RAB8B: variants seen among roughly 807,000 people sequenced by gnomAD.
RAB8B encodes the protein ras-related protein Rab-8B.
In RAB8B, 11 loss-of-function variants were observed where a neutral mutation model predicts 32.0. That is an observed-to-expected ratio of 0.34 (90% confidence interval 0.22 to 0.57). RAB8B has a LOEUF of 0.57. Ranked by LOEUF, RAB8B falls within the 20% of genes least tolerant of loss-of-function variation. The probability of loss-of-function intolerance (pLI) is 0.86; values close to 1 mark genes in which losing one functional copy is unlikely to be tolerated. For missense variants in RAB8B, 190 were observed against 258.5 expected (o/e 0.73, Z 1.82); for synonymous variants, 103 against 89.6 (o/e 1.15, Z -0.85).
intron 1 of RAB8B, among the ~76,000 whole-genome samples, chr15:63,215,670 T>G (rs2037785867): frequency 6.6e-6 from 1 of 152,224 alleles, no homozygotes; most frequent in Non-Finnish European, 1.5e-5. Context: ...CCTTTACTTT[T>G]TACTGAAAGT....
chr15:63,197,240 T>C (rs973335687), intron 1 of RAB8B, among the ~76,000 whole-genome samples: 25 of 151,656 alleles, frequency 1.6e-4, no homozygotes, highest in African/African-American at 5.8e-4. Flanking sequence ...CTGATGTTTA[T>C]GGTTATGTTT....
chr15:63,261,502 G>C (rs2038203176), intron 6 of RAB8B, among the ~76,000 whole-genome samples: 1 of 152,154 alleles, frequency 6.6e-6, no homozygotes, highest in South Asian at 2.1e-4. Context: ...ATACACAATG[G>C]AATACTATTC....
At chr15:63,217,007 A>G (rs1303774481) in intron 1 of RAB8B, among the ~76,000 whole-genome samples, 8 of 152,070 alleles carry the variant, frequency 5.3e-5, no homozygotes, top group Admixed American at 5.2e-4. Flanking sequence ...ACATGGGTTG[A>G]TTACATCTAT....
intron 3 of RAB8B, among the ~76,000 whole-genome samples, chr15:63,253,027 C>T (rs918270732): frequency 6.6e-6 from 1 of 152,150 alleles, no homozygotes; most frequent in Non-Finnish European, 1.5e-5. Context: ...GGATTACAGG[C>T]GTGAGCCACC....
At chr15:63,203,236 T>C (rs2037667948) in intron 1 of RAB8B, among the ~76,000 whole-genome samples, 1 of 152,216 alleles carries the variant, frequency 6.6e-6, no homozygotes, top group Non-Finnish European at 1.5e-5. Flanking sequence ...TCCTAAGTTA[T>C]AACCAATGGA....
In RAB8B at chr15:63,265,966, T is replaced by C. The variant is rs148757242; in HGVS notation, c.*2347T>C. 16 of 152,744 alleles carry C rather than the reference T, an allele frequency of 1.0e-4. No individual in the cohort carries two copies. Among genetic ancestry groups the C allele is most frequent in the African/African-American group, 3.8e-4 (16 of 41,590 alleles). The allele number at this position is 152,744 out of a possible 1,614,324, so 9.5% of individuals were successfully genotyped here. On this transcript the variant is annotated 3_prime_UTR_variant, in exon 8 of 8. Coordinates refer to ENST00000321437, the MANE Select transcript of RAB8B (RefSeq NM_016530.3). The surrounding 1 kb of genome is among the most constrained non-coding windows in gnomAD (Gnocchi z 4.9). ...TTTTCTTACATTTAGCTTTGCTAGATTGTATATACATTGAGCTAAGACCTT... is the reference window on the plus strand; with the variant it reads ...TTTTCTTACATTTAGCTTTGCTAGACTGTATATACATTGAGCTAAGACCTT...
intron 1 of RAB8B, among the ~76,000 whole-genome samples, chr15:63,202,260 A>G (rs1267652441): frequency 6.7e-6 from 1 of 149,744 alleles, no homozygotes; most frequent in Non-Finnish European, 1.5e-5. Context: ...CCAGGGCGAC[A>G]GAGCGAGACT....
intron 1 of RAB8B, among the ~76,000 whole-genome samples, chr15:63,240,389 G>A (rs1033740513): frequency 1.3e-5 from 2 of 152,052 alleles, no homozygotes; most frequent in African/African-American, 4.8e-5. Flanking sequence ...CACACACATC[G>A]TCTAATTTAT....
intron 5 of RAB8B, among the ~76,000 whole-genome samples, chr15:63,257,065 A>G (rs1487246474): frequency 1.3e-5 from 2 of 152,188 alleles, no homozygotes; most frequent in East Asian, 3.9e-4. Context: ...TAACTGATCA[A>G]GCTATGGATG....
intron 1 of RAB8B, 99 bp from the exon 2 acceptor site, chr15:63,244,657 C>A: frequency 1.1e-6 from 1 of 877,912 alleles, no homozygotes; most frequent in Non-Finnish European, 1.8e-6. Flanking sequence ...TTTTCCAGTG[C>A]GTTGGAGAGC....
chr15:63,200,661 A>AT (rs1034575463), intron 1 of RAB8B, among the ~76,000 whole-genome samples: 20 of 152,214 alleles, frequency 1.3e-4, no homozygotes, highest in African/African-American at 4.3e-4. Context: ...AAAAAAAAAA[A>AT]ACCTCATGGT....
intron 1 of RAB8B, among the ~76,000 whole-genome samples, chr15:63,211,906 A>G (rs962247984): frequency 6.6e-6 from 1 of 152,136 alleles, no homozygotes; most frequent in Non-Finnish European, 1.5e-5. Flanking sequence ...ATCATGGCTC[A>G]CTGCAGCCTC....
At chr15:63,207,046 T>C (rs915812819) in intron 1 of RAB8B, among the ~76,000 whole-genome samples, 8 of 152,172 alleles carry the variant, frequency 5.3e-5, no homozygotes, top group African/African-American at 1.9e-4. Flanking sequence ...TTCTAACCGC[T>C]CCTCCCCTTT....
chr15:63,209,216 G>A (rs538780897), intron 1 of RAB8B, among the ~76,000 whole-genome samples: 20 of 151,906 alleles, frequency 1.3e-4, no homozygotes, highest in Non-Finnish European at 2.8e-4. Flanking sequence ...TGTTCTTTGC[G>A]TTGCCGAATA....
chr15:63,234,817 G>A (rs145265364), intron 1 of RAB8B, among the ~76,000 whole-genome samples: 90 of 152,316 alleles, frequency 5.9e-4, no homozygotes, highest in African/African-American at 2.1e-3. Flanking sequence ...GTGGCTGTCC[G>A]CCTTCTCCCA....
rs562262711 is a variant in RAB8B at position 63,263,726 on chromosome 15, G to A, written c.*107G>A. 43 of 871,674 alleles carry A rather than the reference G, an allele frequency of 4.9e-5. No homozygotes were observed. The South Asian group carries it at 5.8e-4, about 12-fold the overall frequency. 54.0% of individuals were successfully genotyped at this position (871,674 alleles called of 1,614,324 possible). On this transcript the variant is annotated 3_prime_UTR_variant, in exon 8 of 8. Coordinates refer to ENST00000321437, the MANE Select transcript of RAB8B (RefSeq NM_016530.3). ...TCACACCTCCCGGCTGCTGCTGAGA[G>A]CACCACTGAACTTAGACCTCTCAAC... is the stretch of plus-strand genomic sequence containing the variant.
chr15:63,259,945 C>T lies in RAB8B; in HGVS notation c.480+253C>T, dbSNP rs977842251. On this transcript the variant is annotated intron_variant, in intron 6 of 7. Transcript: ENST00000321437. This position sits in a 1 kb window ranked among gnomAD's most constrained non-coding sequence, Gnocchi z 4.4. ...TGCCTCCCAGGTTCAAGCGATTCTC[C>T]TGCCTCAGCCTCCCGAGTAGCTGGT... Among the ~76,000 whole-genome samples, 11 of 152,146 alleles carry T rather than the reference C, an allele frequency of 7.2e-5. No homozygotes were observed. The highest frequency in any genetic ancestry group is 2.4e-4 in the African/African-American group (10 of 41,420).
chr15:63,196,440 C>G (rs2141106268), intron 1 of RAB8B, among the ~76,000 whole-genome samples: 1 of 152,322 alleles, frequency 6.6e-6, no homozygotes, highest in South Asian at 2.1e-4. Flanking sequence ...GCCGTTCTAG[C>G]TTTGTGGGCT....
At chr15:63,235,465 AAAGTATAGCT>A (rs1210716286) in intron 1 of RAB8B, among the ~76,000 whole-genome samples, 1 of 152,084 alleles carries the variant, frequency 6.6e-6, no homozygotes, top group Non-Finnish European at 1.5e-5. Flanking sequence ...TAGACCTATT[AAAGTATAGCT>A]AATATAAGAC....
Sources: allele counts gnomAD v4.1 joint callset (sites outside exome capture counted in the v4.1 genomes callset), GRCh38; gene constraint gnomAD v4.1.1; non-coding constraint Gnocchi (gnomAD v3.1); transcripts MANE v1.5; gene names NCBI Gene and HGNC (gene_info 2026-07-23, HGNC 2026-07-21).